Variants in KLC4 observed in about 807,000 individuals in gnomAD.
KLC4 encodes the protein kinesin-like protein 8.
A neutral mutation model predicts 77.2 loss-of-function variants in KLC4; 49 were observed. The observed-to-expected ratio is 0.63, with a 90% confidence interval of 0.50 to 0.80. KLC4 has a LOEUF of 0.80. KLC4 is among the 30% of genes least tolerant of loss of function. The pLI, the probability that KLC4 is intolerant of heterozygous loss-of-function variation, is 0.00. For missense variants in KLC4, 669 were observed against 793.5 expected (o/e 0.84, Z 1.89); for synonymous variants, 274 against 314.5 (o/e 0.87, Z 1.36).
At position 43,070,342 on chromosome 6, in the gene KLC4, C is replaced by G. The variant is rs774598481; in HGVS notation, c.880-12C>G. Reference sequence around the variant, plus strand: ...ACCCAAATGTCTGATGGGGACAGGCCTGTCTTCATAGGTGGCTGCCACACT... The same window carrying G: ...ACCCAAATGTCTGATGGGGACAGGCGTGTCTTCATAGGTGGCTGCCACACT... On this transcript the variant is annotated splice_polypyrimidine_tract_variant and intron_variant, in intron 6 of 15. Coordinates refer to ENST00000347162, the MANE Select transcript of KLC4 (RefSeq NM_201521.3). 1 of 1,603,428 alleles carries G rather than the reference C, an allele frequency of 6.2e-7. No individual in the cohort carries two copies. Among genetic ancestry groups the G allele is most frequent in the Non-Finnish European group, 8.5e-7 (1 of 1,170,446 alleles).
At position 43,072,929 on chromosome 6, in the gene KLC4, G is replaced by C. The variant is rs1264258228; in HGVS notation, c.1594G>C (p.Gly532Arg). 2 of 1,610,160 alleles carry C rather than the reference G, an allele frequency of 1.2e-6. No individual in the cohort carries two copies. The highest frequency in any genetic ancestry group is 1.7e-6 in the Non-Finnish European group (2 of 1,178,392). ...GPGDSVKFEG[G>R]EDASVAVEWS... ...TGGAGACAGTGTGAAATTCGAGGGA[G>C]GTGAAGATGCTTCTGTGGCTGTGGA... The change falls in exon 13 of 16, where the codon GGT (glycine) becomes CGT (arginine). Residue 532 changes from glycine (G) to arginine (R), a missense_variant. Coordinates refer to ENST00000347162, the MANE Select transcript of KLC4 (RefSeq NM_201521.3).
rs373488212 is a variant in KLC4, at chr6:43,072,961, C to T, written c.1626C>T (p.Ser542=). The T allele has an allele frequency of 2.0e-5, 31 of 1,589,638 alleles. No individual in the cohort carries two copies. The Middle Eastern group carries it at 6.7e-4, about 34-fold the overall frequency. ...ATGCTTCTGTGGCTGTGGAGTGGTCCGGGGTAAGTCTGATCATTGCCTTTT... is the reference window on the plus strand; with the variant it reads ...ATGCTTCTGTGGCTGTGGAGTGGTCTGGGGTAAGTCTGATCATTGCCTTTT... ...GEDASVAVEW[S]GDGSGTLQRS... The change falls in exon 13 of 16, where the codon TCC becomes TCT. Residue 542 remains serine (S), a synonymous_variant. Coordinates refer to ENST00000347162, the MANE Select transcript of KLC4 (RefSeq NM_201521.3).
chr6:43,070,911 C>G, intron 8 of KLC4, 46 bp downstream of exon 8: 1 of 1,102,324 alleles, frequency 9.1e-7, no homozygotes, highest in Non-Finnish European at 1.1e-6. Flanking sequence ...GAGAGGGGGG[C>G]ACAGAGGTGG....
At chr6:43,068,139 A>AG in intron 6 of KLC4, among the ~76,000 whole-genome samples, 1 of 129,490 alleles carries the variant, frequency 7.7e-6, no homozygotes, top group East Asian at 2.3e-4. Flanking sequence ...AAAAAAAAAA[A>AG]GAAAATATAG....
At chr6:43,070,914 A>G (rs9462866) in intron 8 of KLC4, 49 bp downstream of exon 8, 113,397 of 272,628 alleles carry the variant, frequency 0.42, 13,819 homozygotes, top group African/African-American at 0.62. Context: ...AGGGGGGCAC[A>G]GAGGTGGGGG....
At chr6:43,070,927 G>GC in intron 8 of KLC4, 62 bp downstream of exon 8, 1 of 413,656 alleles carries the variant, frequency 2.4e-6, no homozygotes, top group Non-Finnish European at 4.0e-6. Flanking sequence ...GGTGGGGGGA[G>GC]GGGGGGCAGG....
intron 6 of KLC4, among the ~76,000 whole-genome samples, chr6:43,069,756 C>G (rs1049055596): frequency 6.6e-6 from 1 of 152,166 alleles, no homozygotes; most frequent in Non-Finnish European, 1.5e-5. Flanking sequence ...CCATGTTGGT[C>G]AGGCTGGTCT....
intron 6 of KLC4, among the ~76,000 whole-genome samples, chr6:43,068,869 A>G (rs771760868): frequency 1.3e-5 from 2 of 152,108 alleles, no homozygotes; most frequent in African/African-American, 2.4e-5. Context: ...GCACTTTGGG[A>G]GGCCGAGGTG....
In KLC4 at chr6:43,074,771, A is replaced by G; in HGVS notation, c.*99A>G. On this transcript the variant is annotated 3_prime_UTR_variant, in exon 16 of 16. Coordinates refer to ENST00000347162, the MANE Select transcript of KLC4 (RefSeq NM_201521.3). ...GCTCTTCCCCACCCCTAGGTGGGAC[A>G]GTGAAGGGGAGCAGTTTAACCAGAA... 1 of 953,766 alleles carries G rather than the reference A, an allele frequency of 1.0e-6. No homozygotes were observed. Among genetic ancestry groups the G allele is most frequent in the African/African-American group, 1.6e-5 (1 of 62,390 alleles). 59.1% of individuals were successfully genotyped at this position (953,766 alleles called of 1,614,324 possible).
At chr6:43,060,571 G>T in intron 1 of KLC4, 1 of 1,227,262 alleles carries the variant, frequency 8.1e-7, no homozygotes, top group Non-Finnish European at 1.0e-6. Context: ...GCTCTGGCCT[G>T]AGTGCCACAG....
rs1050458391 is a variant in KLC4 at position 43,074,920 on chromosome 6, G to C, written c.*248G>C. The C allele has an allele frequency of 5.7e-6, 3 of 527,498 alleles. No individual in the cohort carries two copies. In the African/African-American group the frequency reaches 5.8e-5, roughly 10 times the overall value. The allele number at this position is 527,498 out of a possible 1,614,324, so 32.7% of individuals were successfully genotyped here. A position where few individuals can be genotyped will look rare whatever the true frequency, so the allele number is the denominator to read the frequency against. On this transcript the variant is annotated 3_prime_UTR_variant, in exon 16 of 16. Transcript: ENST00000347162. ...AGCTAGCTCTGAGGCCCCAAGGTGG[G>C]TACAAAGCAGGTATGGCCCTCAGAG...
intron 1 of KLC4, chr6:43,060,063 G>A: frequency 6.6e-7 from 1 of 1,518,538 alleles, no homozygotes. Flanking sequence ...AGGCCCAGGA[G>A]ACCCACTCCA....
At chr6:43,072,714 T>C in intron 12 of KLC4, 110 bp from the exon 13 acceptor site, 1 of 1,021,388 alleles carries the variant, frequency 9.8e-7, no homozygotes, top group East Asian at 2.4e-5. Flanking sequence ...AACTGAGACA[T>C]CACAAGGAAA....
At chr6:43,067,618 C>A (rs1482404925) in intron 6 of KLC4, among the ~76,000 whole-genome samples, 1 of 150,710 alleles carries the variant, frequency 6.6e-6, no homozygotes, top group Non-Finnish European at 1.5e-5. Flanking sequence ...CATGGTGAAA[C>A]CCCATCTCTA....
At chr6:43,071,745 C>G (rs986293828) in intron 10 of KLC4, 107 bp from the exon 11 acceptor site, 2 of 1,453,362 alleles carry the variant, frequency 1.4e-6, no homozygotes, top group Non-Finnish European at 1.9e-6. Context: ...GGTGTCCTCC[C>G]CAGCCCAGCC....
Position 43,070,427 on chromosome 6 carries a change from G to C in KLC4, c.953G>C (p.Cys318Ser). The change falls in exon 7 of 16, where the codon TGC (cysteine) becomes TCC (serine). Residue 318 changes from cysteine to serine, a missense_variant. Cys to Ser is a moderately radical substitution (Grantham distance 112, BLOSUM62 -1). Coordinates refer to ENST00000347162, the MANE Select transcript of KLC4 (RefSeq NM_201521.3). The part of the protein sequence containing the change: ...RGKYKEAEPL[C>S]QRALEIREKV... ...AAGTACAAGGAGGCAGAGCCTCTGT[G>C]CCAGCGGGCACTGGAGATTCGAGAA... The C allele has an allele frequency of 6.2e-7, 1 of 1,614,068 alleles. No individual in the cohort carries two copies. Among genetic ancestry groups the C allele is most frequent in the Non-Finnish European group, 8.5e-7 (1 of 1,179,894 alleles).
At chr6:43,069,411 A>C (rs1561917813) in intron 6 of KLC4, among the ~76,000 whole-genome samples, 1 of 151,602 alleles carries the variant, frequency 6.6e-6, no homozygotes, top group Non-Finnish European at 1.5e-5. Flanking sequence ...CGCCAGGCTA[A>C]TTTTTGTATT....
chr6:43,070,116 GAA>G (rs1045031740), intron 6 of KLC4, among the ~76,000 whole-genome samples: 1 of 129,274 alleles, frequency 7.7e-6, no homozygotes, highest in Non-Finnish European at 1.6e-5. Context: ...AAAAAAGAAA[GAA>G]AAAAAACACC....
In KLC4 at chr6:43,073,358, T is replaced by A. The variant is rs1454876197; in HGVS notation, c.1745+20T>A. On this transcript the variant is annotated intron_variant, in intron 14 of 15. Coordinates refer to ENST00000347162, the MANE Select transcript of KLC4 (RefSeq NM_201521.3). ...CTCCAGGTATACATGGAAGTCAAGA[T>A]ACAGTAAAGTGGCCGGGTGCAGTGG... is the stretch of plus-strand genomic sequence containing the variant. 1.5e-5 allele frequency: 23 copies of A among 1,568,702 alleles called. No individual in the cohort carries two copies. The highest frequency in any genetic ancestry group is 1.2e-4 in the Admixed American group (7 of 59,458).
Sources: gnomAD v4.1 joint callset for allele counts (sites outside exome capture counted in the v4.1 genomes callset) on GRCh38, gnomAD v4.1.1 for gene constraint, MANE v1.5 for transcripts, NCBI Gene and HGNC (gene_info 2026-07-23, HGNC 2026-07-21) for gene names.